PPP2R3B: variants seen among roughly 807,000 people sequenced by gnomAD.
The protein encoded by PPP2R3B is serine/threonine-protein phosphatase 2A regulatory subunit B'' subunit beta.
Under a neutral mutation model 72.9 loss-of-function variants are expected in PPP2R3B, and 68 were observed. The observed-to-expected ratio is 0.93, with a 90% CI of 0.77 to 1.14. PPP2R3B has a LOEUF of 1.14. Among genes scored for constraint, PPP2R3B ranks in the 50% most tolerant of loss-of-function variants. The probability of loss-of-function intolerance (pLI) is 0.00; values close to 1 mark genes in which losing one functional copy is unlikely to be tolerated. For missense variants in PPP2R3B, 1,018 were observed against 842.0 expected (o/e 1.21, Z -2.59); for synonymous variants, 466 against 375.8 (o/e 1.24, Z -2.78).
At chrX:363,508 C>CATGCCCA (rs2071598524) in intron 1 of PPP2R3B, among the ~76,000 whole-genome samples, 1 of 131,528 alleles carries the variant, frequency 7.6e-6, no homozygotes, top group African/African-American at 2.9e-5. Context: ...ATGCATCTCC[C>CATGCCCA]CGAGCCCGCG....
intron 1 of PPP2R3B, among the ~76,000 whole-genome samples, chrX:375,751 G>T (rs2071977433): frequency 1.4e-5 from 2 of 146,124 alleles, no homozygotes; most frequent in South Asian, 4.3e-4. Context: ...AACCCAAAAT[G>T]CGGGGGAAGC....
Position 334,481 on chromosome X carries a change from C to T in PPP2R3B, c.1614G>A (p.Leu538=). 6.3e-7 allele frequency: 1 copy of T among 1,586,662 alleles called. No homozygotes were observed. Among genetic ancestry groups the T allele is most frequent in the South Asian group, 1.1e-5 (1 of 88,484 alleles). The change falls in exon 13 of 13, where the codon CTG becomes CTA. Residue 538 remains leucine (L), a synonymous_variant. Coordinates refer to ENST00000390665, the MANE Select transcript of PPP2R3B (RefSeq NM_013239.5). ...GGGCCAGCGGGGAGCGCAGCGCACT[C>T]AGCTTCTGCTCCACAGGGCTGAGCT... The part of the protein sequence containing the change: ...EAELSPVEQK[L]SALRSPLAQR...
intron 12 of PPP2R3B, chrX:336,001 AC>A (rs1394814567): frequency 6.6e-6 from 1 of 152,042 alleles, no homozygotes; most frequent in African/African-American, 2.4e-5. Context: ...CCCCATCTCT[AC>A]AAAAAAATAC....
Position 341,791 on chromosome X carries a change from G to A in PPP2R3B, c.1085+92C>T, listed in dbSNP as rs73613866. 15,151 of 1,373,936 alleles carry A rather than the reference G, an allele frequency of 0.011. 884 individuals are homozygous for A. In the African/African-American group the frequency reaches 0.15, roughly 14 times the overall value. 85.1% of individuals were successfully genotyped at this position (1,373,936 alleles called of 1,614,324 possible). A position where few individuals can be genotyped will look rare whatever the true frequency, so the allele number is the denominator to read the frequency against. On this transcript the variant is annotated intron_variant, in intron 8 of 12. Coordinates refer to ENST00000390665, the MANE Select transcript of PPP2R3B (RefSeq NM_013239.5). The stretch of plus-strand genomic sequence containing the variant: ...GGGGTGACAACCACTCGCTGTCGGG[G>A]CACAAAAAGCTCACGTCAGGCAACG...
At chrX:383,681 C>CA (rs1289003616) in intron 1 of PPP2R3B, among the ~76,000 whole-genome samples, 1 of 150,948 alleles carries the variant, frequency 6.6e-6, no homozygotes, top group Non-Finnish European at 1.5e-5. Flanking sequence ...ACTAAAAATA[C>CA]AAAAAAATTA....
chrX:339,053 T>C (rs1489526616), intron 10 of PPP2R3B, among the ~76,000 whole-genome samples, 157 bp from the exon 11 acceptor site: 2 of 152,034 alleles, frequency 1.3e-5, no homozygotes, highest in Non-Finnish European at 2.9e-5. Context: ...GACACGCGAG[T>C]GTCCTGGTTC....
chrX:363,643 G>T (rs1331762167), intron 1 of PPP2R3B, among the ~76,000 whole-genome samples: 1 of 4,942 alleles, frequency 2.0e-4, no homozygotes, highest in Non-Finnish European at 5.1e-4. Context: ...CCATCCCACA[G>T]TCATCTCCCT....
intron 2 of PPP2R3B, among the ~76,000 whole-genome samples, chrX:354,963 G>C (rs1194424376): frequency 6.6e-6 from 1 of 152,232 alleles, no homozygotes; most frequent in East Asian, 1.9e-4. Flanking sequence ...TGAGCCCGAG[G>C]CGGGAAGGGG....
chrX:385,786 T>C (rs1193871705), intron 1 of PPP2R3B, among the ~76,000 whole-genome samples: 1 of 151,382 alleles, frequency 6.6e-6, no homozygotes, highest in Non-Finnish European at 1.5e-5. Flanking sequence ...AATTGTAAAA[T>C]AAATAAAAAA....
At chrX:341,676 C>G in intron 8 of PPP2R3B, 2 of 682,630 alleles carry the variant, frequency 2.9e-6, no homozygotes, top group South Asian at 3.6e-5. Context: ...TGGGCCACCC[C>G]CTTCCTCAGA....
Position 341,503 on chromosome X carries a change from G to GCCCTCCTCCTGCCCCCCTCCTGC in PPP2R3B, c.1086-130_1086-108dup, listed in dbSNP as rs1569380198. 6 of 1,165,232 alleles carry GCCCTCCTCCTGCCCCCCTCCTGC rather than the reference G, an allele frequency of 5.1e-6. No homozygotes were observed. In the African/African-American group the frequency reaches 6.0e-5, roughly 12 times the overall value. 72.2% of individuals were successfully genotyped at this position (1,165,232 alleles called of 1,614,324 possible). A position where few individuals can be genotyped will look rare whatever the true frequency, so the allele number is the denominator to read the frequency against. On this transcript the variant is annotated intron_variant, in intron 8 of 12. Coordinates refer to ENST00000390665, the MANE Select transcript of PPP2R3B (RefSeq NM_013239.5). ...CGGTGAGGGGAGCCCCCCGGGCCCG[G>GCCCTCCTCCTGCCCCCCTCCTGC]CCCTCCTCCTGCCCCCCTCCTGCCC...
intron 2 of PPP2R3B, among the ~76,000 whole-genome samples, chrX:353,911 T>TGGGGCTCGCCCAGGGACCG (rs2071383392): frequency 8.4e-6 from 1 of 118,686 alleles, no homozygotes; most frequent in Non-Finnish European, 1.7e-5. Context: ...ACCCAAAGAC[T>TGGGGCTCGCCCAGGGACCG]GGGGCTCGCC....
At chrX:341,995 C>T (rs1603043042) in intron 7 of PPP2R3B, 64 bp from the exon 8 acceptor site, 25 of 1,593,702 alleles carry the variant, frequency 1.6e-5, no homozygotes, top group East Asian at 4.5e-5. Flanking sequence ...CACCACCCCC[C>T]GGAGCCGAGA....
chrX:364,714 T>C (rs1418712379), intron 1 of PPP2R3B, among the ~76,000 whole-genome samples: 1 of 48,098 alleles, frequency 2.1e-5, no homozygotes, highest in Non-Finnish European at 3.3e-5. Flanking sequence ...TGAGACTCTG[T>C]CTCAAAACAA....
chrX:347,891 C>T lies in PPP2R3B; in HGVS notation c.511-198G>A, dbSNP rs1266097948. On this transcript the variant is annotated intron_variant, in intron 2 of 12. Coordinates refer to ENST00000390665, the MANE Select transcript of PPP2R3B (RefSeq NM_013239.5). ...CCTTCAATCAGTCATGAGAGCTGAG[C>T]GTGGGAGTGCCGGGCACGCAGTATC... 27 of 555,476 alleles carry T rather than the reference C, an allele frequency of 4.9e-5. No individual in the cohort carries two copies. In the East Asian group the frequency reaches 8.3e-4, roughly 17 times the overall value. 34.4% of individuals were successfully genotyped at this position (555,476 alleles called of 1,614,324 possible). A position where few individuals can be genotyped will look rare whatever the true frequency, so the allele number is the denominator to read the frequency against.
intron 1 of PPP2R3B, among the ~76,000 whole-genome samples, chrX:374,727 C>G (rs150425192): frequency 6.6e-6 from 1 of 152,154 alleles, no homozygotes; most frequent in African/African-American, 2.4e-5. Context: ...GCATCTGTTA[C>G]AGTCAATAAA....
intron 2 of PPP2R3B, among the ~76,000 whole-genome samples, chrX:360,352 G>A (rs1348534710): frequency 6.6e-6 from 1 of 152,118 alleles, no homozygotes; most frequent in African/African-American, 2.4e-5. Context: ...TGGCCAATAT[G>A]GTGAAACCCC....
intron 1 of PPP2R3B, among the ~76,000 whole-genome samples, chrX:363,239 GC>G (rs1180299076): frequency 7.2e-6 from 1 of 139,452 alleles, no homozygotes; most frequent in Non-Finnish European, 1.5e-5. Flanking sequence ...ATCCCACAGT[GC>G]ATCTCCCCGA....
At chrX:371,161 G>A (rs1266458121) in intron 1 of PPP2R3B, among the ~76,000 whole-genome samples, 2 of 152,070 alleles carry the variant, frequency 1.3e-5, no homozygotes, top group Admixed American at 6.5e-5. Flanking sequence ...CAGTGGCTCC[G>A]GCAAGAAGAG....
Sources: allele counts gnomAD v4.1 joint callset (sites outside exome capture counted in the v4.1 genomes callset), GRCh38; gene constraint gnomAD v4.1.1; transcripts MANE v1.5; gene names NCBI Gene and HGNC (gene_info 2026-07-23, HGNC 2026-07-21).